The following DACH1 variants were observed in gnomAD, a reference collection of about 807,000 sequenced individuals.
DACH1 encodes dachshund homolog 1.
A neutral mutation model predicts 54.2 loss-of-function variants in DACH1; 12 were observed. The ratio of observed to expected loss-of-function variants is 0.22; its 90% CI spans 0.14 to 0.36. The LOEUF (loss-of-function observed/expected upper bound fraction) is 0.36, where lower values mean the gene tolerates loss of function less well. Among genes scored for constraint, DACH1 ranks in the 10% least tolerant of loss-of-function variants. The probability of loss-of-function intolerance (pLI) is 1.00; values close to 1 mark genes in which losing one functional copy is unlikely to be tolerated. For synonymous variants in DACH1, 386 were observed against 366.2 expected, an observed-to-expected ratio of 1.05 and a Z score of -0.62; for missense variants, 805 against 929.8, an observed-to-expected ratio of 0.87 and a Z score of 1.75.
At chr13:71,713,323 A>C (rs1348507878) in intron 1 of DACH1, among the ~76,000 whole-genome samples, 1 of 152,130 alleles carries the variant, frequency 6.6e-6, no homozygotes, top group African/African-American at 2.4e-5. Context: ...CTAGTAAAGA[A>C]TTTATTTCTA....
At chr13:71,735,671 C>T (rs1275989233) in intron 1 of DACH1, among the ~76,000 whole-genome samples, 1 of 96,638 alleles carries the variant, frequency 1.0e-5, no homozygotes, top group African/African-American at 2.8e-5. Flanking sequence ...TTATATATAT[C>T]CCTTCCTACT....
intron 7 of DACH1, among the ~76,000 whole-genome samples, chr13:71,483,915 A>T (rs965181065): frequency 6.6e-6 from 1 of 152,168 alleles, no homozygotes. Flanking sequence ...ATACTAGGCA[A>T]TATCCTCTAG....
At chr13:71,843,053 C>A (rs927340019) in intron 1 of DACH1, among the ~76,000 whole-genome samples, 10 of 151,972 alleles carry the variant, frequency 6.6e-5, no homozygotes, top group African/African-American at 2.4e-4. Context: ...TTTTTGCTAT[C>A]CTGCATTATC....
intron 3 of DACH1, among the ~76,000 whole-genome samples, chr13:71,598,948 A>C (rs1176544162): frequency 6.6e-6 from 1 of 152,070 alleles, no homozygotes; most frequent in Non-Finnish European, 1.5e-5. Flanking sequence ...TTTATTCTCA[A>C]ATCAGGGTCA....
intron 1 of DACH1, among the ~76,000 whole-genome samples, chr13:71,853,359 T>C (rs1873795159): frequency 6.6e-6 from 1 of 152,206 alleles, no homozygotes; most frequent in Non-Finnish European, 1.5e-5. Flanking sequence ...TGCATTGTTA[T>C]TTAACCAGTC....
chr13:71,563,403 G>A (rs1884712808), intron 4 of DACH1, among the ~76,000 whole-genome samples: 1 of 151,878 alleles, frequency 6.6e-6, no homozygotes, highest in South Asian at 2.1e-4. Context: ...CTAATGGAAA[G>A]CATGAGAATA....
At chr13:71,802,672 G>A (rs951490750) in intron 1 of DACH1, among the ~76,000 whole-genome samples, 5 of 151,846 alleles carry the variant, frequency 3.3e-5, no homozygotes, top group African/African-American at 1.2e-4. Context: ...AACAAAGAAG[G>A]TCTAATAACT....
chr13:71,680,127 T>A lies in DACH1; in HGVS notation c.964+1668A>T, dbSNP rs117801115. On this transcript the variant is annotated intron_variant, in intron 2 of 10. Coordinates refer to ENST00000613252, the MANE Select transcript of DACH1 (RefSeq NM_080759.6). ...ATTTTTCCAAATCTCAAATTGGAAT[T>A]AGAATATCAGGCAGTAGGATTCAGT... 2.0e-3 allele frequency among the ~76,000 whole-genome samples: 312 copies of A among 152,324 alleles called. 6 individuals carry two copies. In the East Asian group the frequency reaches 0.041, roughly 20 times the overall value.
intron 1 of DACH1, among the ~76,000 whole-genome samples, chr13:71,845,314 T>C (rs939568773): frequency 6.6e-6 from 1 of 152,130 alleles, no homozygotes; most frequent in African/African-American, 2.4e-5. Flanking sequence ...ACTAAGGAAT[T>C]TGCACATCAT....
rs566933195 is a variant in DACH1 at position 71,632,334 on chromosome 13, A to G, written c.965-1617T>C. 1.2e-4 allele frequency among the ~76,000 whole-genome samples: 18 copies of G among 152,088 alleles called. No homozygotes were observed. The South Asian group carries it at 3.7e-3, about 32-fold the overall frequency. On this transcript the variant is annotated intron_variant, in intron 2 of 10. Coordinates refer to ENST00000613252, the MANE Select transcript of DACH1 (RefSeq NM_080759.6). ...GCTGACATCCCTCATCTGCAAAATG[A>G]CAGACACTGGAATGTATAAATGATC...
intron 1 of DACH1, among the ~76,000 whole-genome samples, chr13:71,705,519 T>A (rs1019093839): frequency 6.6e-6 from 1 of 152,206 alleles, no homozygotes; most frequent in Non-Finnish European, 1.5e-5. Context: ...TAAAAAATCA[T>A]TAAACATCAT....
Position 71,723,246 on chromosome 13 carries a change from T to TA in DACH1, c.849-41337dup, listed in dbSNP as rs112775403. On this transcript the variant is annotated intron_variant, in intron 1 of 10. Coordinates refer to ENST00000613252, the MANE Select transcript of DACH1 (RefSeq NM_080759.6). ...AGGCCAAATTTGTCTCTACACAAAT[T>TA]AAAAAAAAAAAAAAAAAATTAGTCC... Among the ~76,000 whole-genome samples, 653 of 133,544 alleles carry TA rather than the reference T, an allele frequency of 4.9e-3. 3 individuals are homozygous for TA. The highest frequency in any genetic ancestry group is 7.8e-3 in the Non-Finnish European group (459 of 59,076). 87.6% of individuals were successfully genotyped at this position (133,544 alleles called of 152,430 possible).
In DACH1 at chr13:71,535,029, CCCAGAATAATAACTTAACAAATCA is replaced by C. The variant is rs571633795; in HGVS notation, c.1570+21971_1570+21994del. Among the ~76,000 whole-genome samples, 735 of 151,768 alleles carry C rather than the reference CCCAGAATAATAACTTAACAAATCA, an allele frequency of 4.8e-3. 6 individuals are homozygous for C. Among genetic ancestry groups the C allele is most frequent in the African/African-American group, 0.016 (676 of 41,486 alleles). Reference sequence around the variant, plus strand: ...CTAGTGACTATCTGACTCTTTAACTCCCAGAATAATAACTTAACAAATCAGAGTTTTTCTATGTTTCATAAAACT... The same window carrying C: ...CTAGTGACTATCTGACTCTTTAACTCGAGTTTTTCTATGTTTCATAAAACT... On this transcript the variant is annotated intron_variant, in intron 6 of 10. Transcript: ENST00000613252.
At chr13:71,581,770 A>T (rs570799982) in intron 3 of DACH1, among the ~76,000 whole-genome samples, 13 of 152,288 alleles carry the variant, frequency 8.5e-5, no homozygotes, top group African/African-American at 3.1e-4. Context: ...AGCATCTAGT[A>T]TATATCATGT....
chr13:71,824,085 C>G (rs913655306), intron 1 of DACH1, among the ~76,000 whole-genome samples: 9 of 151,794 alleles, frequency 5.9e-5, no homozygotes, highest in Non-Finnish European at 1.3e-4. Context: ...ATATTATATT[C>G]AATTTAAAAA....
chr13:71,471,219 G>C (rs141778527), intron 10 of DACH1, among the ~76,000 whole-genome samples: 19 of 151,946 alleles, frequency 1.3e-4, no homozygotes, highest in Non-Finnish European at 2.2e-4. Context: ...GAAATGTCAC[G>C]CTCCACTCTG....
chr13:71,663,557 T>C (rs1879643605), intron 2 of DACH1, among the ~76,000 whole-genome samples: 1 of 151,906 alleles, frequency 6.6e-6, no homozygotes, highest in Non-Finnish European at 1.5e-5. Context: ...AGCACTGAAA[T>C]GTAGAGAAAC....
intron 2 of DACH1, among the ~76,000 whole-genome samples, chr13:71,677,300 G>A (rs550877058): frequency 1.3e-5 from 2 of 152,328 alleles, no homozygotes; most frequent in East Asian, 3.9e-4. Flanking sequence ...GACCACAGCA[G>A]GAGGTATTGC....
chr13:71,575,956 T>C (rs1885502384), intron 3 of DACH1, among the ~76,000 whole-genome samples: 3 of 152,090 alleles, frequency 2.0e-5, no homozygotes, highest in Admixed American at 2.0e-4. Flanking sequence ...AAATAAGAAT[T>C]GAAAATAGGC....
Sources: gnomAD v4.1 joint callset for allele counts (sites outside exome capture counted in the v4.1 genomes callset) on GRCh38, gnomAD v4.1.1 for gene constraint, MANE v1.5 for transcripts, NCBI Gene and HGNC (gene_info 2026-07-23, HGNC 2026-07-21) for gene names.